Variants in MLXIP observed in about 807,000 individuals in gnomAD.
MLXIP encodes MLX-interacting protein.
In MLXIP, 30 loss-of-function variants were observed where a neutral mutation model predicts 87.2. That is an observed-to-expected ratio of 0.34 (90% CI 0.26 to 0.47). The LOEUF is 0.47. MLXIP is among the 20% of genes least tolerant of loss of function. The pLI, the probability that MLXIP is intolerant of heterozygous loss-of-function variation, is 1.00. For synonymous variants in MLXIP, 530 were observed against 514.0 expected (o/e 1.03, Z -0.42); for missense variants, 1,002 against 1,240.1 (o/e 0.81, Z 2.88).
chr12:122,119,965 C>G (rs952489632), intron 1 of MLXIP, among the ~76,000 whole-genome samples: 2 of 152,206 alleles, frequency 1.3e-5, no homozygotes, highest in African/African-American at 4.8e-5. Flanking sequence ...GACGAGAACT[C>G]TTCCCCACCA....
intron 1 of MLXIP, among the ~76,000 whole-genome samples, chr12:122,111,530 A>G (rs971153222): frequency 2.6e-5 from 4 of 152,232 alleles, no homozygotes; most frequent in Non-Finnish European, 5.9e-5. Context: ...AGTCATGCTT[A>G]GTACTGAATA....
At position 122,137,341 on chromosome 12, in the gene MLXIP, G is replaced by A; in HGVS notation, c.2033-128G>A. ...TAATCTAAGGAAGCATGTGTGTGCA[G>A]TTGAAAGAACCAAGTGCAATACGTG... On this transcript the variant is annotated intron_variant, in intron 11 of 16. Coordinates refer to ENST00000319080, the MANE Select transcript of MLXIP (RefSeq NM_014938.6). This position sits in a 1 kb window ranked among gnomAD's most constrained non-coding sequence, Gnocchi z 4.1. 2.0e-6 allele frequency: 2 copies of A among 986,914 alleles called. No individual in the cohort carries two copies. The highest frequency in any genetic ancestry group is 2.9e-6 in the Non-Finnish European group (2 of 694,348). The allele number at this position is 986,914 out of a possible 1,614,324, so 61.1% of individuals were successfully genotyped here.
At position 122,141,994 on chromosome 12, in the gene MLXIP, G is replaced by A. The variant is rs1163496498; in HGVS notation, c.*182G>A. Reference sequence around the variant, plus strand: ...GAAGCAGGTTTGGGGCCTGCTGACAGCAATAGCCCGCCTTTGGGAACCCCT... The same window carrying A: ...GAAGCAGGTTTGGGGCCTGCTGACAACAATAGCCCGCCTTTGGGAACCCCT... On this transcript the variant is annotated 3_prime_UTR_variant, in exon 17 of 17. Transcript: ENST00000319080. The A allele has an allele frequency of 5.9e-6, 5 of 846,846 alleles. No homozygotes were observed. The Admixed American group carries it at 1.3e-4, about 21-fold the overall frequency. The allele number at this position is 846,846 out of a possible 1,614,324, so 52.5% of individuals were successfully genotyped here.
rs371090511 is a variant in MLXIP, at chr12:122,138,851, C to T, written c.2421C>T (p.Pro807=). Reference sequence around the variant, plus strand: ...AGCTGCTCCCTGCCACGGGAGTCCCCGTTACCCGGCGCCAGTTTGATCACA... The same window carrying T: ...AGCTGCTCCCTGCCACGGGAGTCCCTGTTACCCGGCGCCAGTTTGATCACA... ...CQQLLPATGV[P]VTRRQFDHMK... Residue 807 remains proline, a synonymous_variant, in exon 15 of 17, where the codon CCC becomes CCT. Transcript: ENST00000319080. 2.0e-5 allele frequency: 33 copies of T among 1,613,896 alleles called. No individual in the cohort carries two copies. The African/African-American group carries it at 2.3e-4, about 11-fold the overall frequency.
chr12:122,105,999 C>A (rs1952514109), intron 1 of MLXIP, among the ~76,000 whole-genome samples: 3 of 152,180 alleles, frequency 2.0e-5, no homozygotes, highest in African/African-American at 7.2e-5. Flanking sequence ...GCTTCACTTG[C>A]TCTTCTTTTT....
In MLXIP at chr12:122,127,361, G is replaced by A. The variant is rs531149081; in HGVS notation, c.519G>A (p.Gln173=). 4 of 1,604,936 alleles carry A rather than the reference G, an allele frequency of 2.5e-6. No individual in the cohort carries two copies. The highest frequency in any genetic ancestry group is 1.3e-5 in the African/African-American group (1 of 74,816). The change falls in exon 2 of 17, where the codon CAG becomes CAA. Residue 173 remains glutamine, a splice_region_variant and synonymous_variant. Coordinates refer to ENST00000319080, the MANE Select transcript of MLXIP (RefSeq NM_014938.6). ...NNAIWRAWYM[Q]YLEKRKNPVC... is the part of the protein sequence containing the mutation. Reference sequence around the variant, plus strand: ...CCATCTGGCGGGCCTGGTACATGCAGTGTAAGTGCCGCCCAGCCTGGGCGC... The same window carrying A: ...CCATCTGGCGGGCCTGGTACATGCAATGTAAGTGCCGCCCAGCCTGGGCGC...
intron 1 of MLXIP, among the ~76,000 whole-genome samples, chr12:122,113,681 C>CTTTTTTTTTTTTTTTTTTTTTTTTTTT (rs1173711241): frequency 9.9e-6 from 1 of 100,702 alleles, no homozygotes; most frequent in Non-Finnish European, 1.8e-5. Flanking sequence ...GCCTTCATTT[C>CTTTTTTTTTTTTTTTTTTTTTTTTTTT]TTTTTTTTTT....
rs1375537293 is a variant in MLXIP, at chr12:122,143,275, A to T, written c.*1463A>T. On this transcript the variant is annotated 3_prime_UTR_variant, in exon 17 of 17. Coordinates refer to ENST00000319080, the MANE Select transcript of MLXIP (RefSeq NM_014938.6). ...ACGCCTGGGCTGTCCCACAGTTTAG[A>T]TCCAGTTGGAGGTTCTCCCTGGCTC... is the stretch of plus-strand genomic sequence containing the variant. 1 of 152,210 alleles carries T rather than the reference A, an allele frequency of 6.6e-6. No individual in the cohort carries two copies. Among genetic ancestry groups the T allele is most frequent in the East Asian group, 1.9e-4 (1 of 5,158 alleles). The allele number at this position is 152,210 out of a possible 1,614,324, so 9.4% of individuals were successfully genotyped here. A position where few individuals can be genotyped will look rare whatever the true frequency, so the allele number is the denominator to read the frequency against.
At chr12:122,115,383 T>C (rs1451898361) in intron 1 of MLXIP, among the ~76,000 whole-genome samples, 1 of 148,470 alleles carries the variant, frequency 6.7e-6, no homozygotes, top group Non-Finnish European at 1.5e-5. Context: ...AGGTCGGGAG[T>C]TCAAGACCAC....
At chr12:122,140,750 C>T in intron 15 of MLXIP, 1 of 774,186 alleles carries the variant, frequency 1.3e-6, no homozygotes, top group Non-Finnish European at 2.2e-6. Context: ...CCCTGTTGTC[C>T]AGGTACAGTT....
At chr12:122,116,836 G>A (rs540410711) in intron 1 of MLXIP, among the ~76,000 whole-genome samples, 6 of 152,256 alleles carry the variant, frequency 3.9e-5, no homozygotes, top group East Asian at 3.9e-4. Flanking sequence ...GGGCTGGGCC[G>A]GGCCAGCCTG....
Position 122,145,876 on chromosome 12 carries a change from C to T in MLXIP, c.*4064C>T, listed in dbSNP as rs906869857. ...CTGACGTGGGAAGGCTTGGAGGGCC[C>T]GTCTCATCACCCCCGTTCGCCCTCA... On this transcript the variant is annotated 3_prime_UTR_variant, in exon 17 of 17. Coordinates refer to ENST00000319080, the MANE Select transcript of MLXIP (RefSeq NM_014938.6). 2.3e-4 allele frequency: 35 copies of T among 152,290 alleles called. No individual in the cohort carries two copies. Among genetic ancestry groups the T allele is most frequent in the African/African-American group, 7.2e-4 (30 of 41,414 alleles). 9.4% of individuals were successfully genotyped at this position (152,290 alleles called of 1,614,324 possible).
At chr12:122,103,521 CTT>C (rs36181949) in intron 1 of MLXIP, among the ~76,000 whole-genome samples, 54 of 111,250 alleles carry the variant, frequency 4.9e-4, no homozygotes, top group Middle Eastern at 5.6e-3. Context: ...TGCACCTGGC[CTT>C]TTTTTTTTTT....
rs1400774271 is a variant in MLXIP, at chr12:122,141,022, G to T, written c.2577G>T (p.Glu859Asp). ...KGMVSTSSLE[E>D]LHRTALSWLD... ...TGGTGTCCACCAGCAGCCTGGAGGAGCTGCACCGGACGGCGCTCTCCTGGC... is the reference window on the plus strand; with the variant it reads ...TGGTGTCCACCAGCAGCCTGGAGGATCTGCACCGGACGGCGCTCTCCTGGC... The change falls in exon 16 of 17, where the codon GAG becomes GAT. Residue 859 changes from glutamate (E) to aspartate (D), a missense_variant. Glu to Asp is a conservative substitution (Grantham distance 45). This residue lies in a region of MLXIP where 746 missense variants were observed against 897.0 expected (regional missense o/e 0.83). Transcript: ENST00000319080. The T allele has an allele frequency of 6.2e-7, 1 of 1,613,842 alleles. No homozygotes were observed. Among genetic ancestry groups the T allele is most frequent in the African/African-American group, 1.3e-5 (1 of 74,954 alleles).
intron 1 of MLXIP, among the ~76,000 whole-genome samples, chr12:122,122,652 C>T (rs1329369140): frequency 6.6e-6 from 1 of 152,192 alleles, no homozygotes; most frequent in East Asian, 1.9e-4. Context: ...CGCCATTCTC[C>T]GGCCTCAGCC....
rs186952028 is a variant in MLXIP at position 122,104,736 on chromosome 12, C to T, written c.414-22520C>T. 8.1e-3 allele frequency among the ~76,000 whole-genome samples: 1,239 copies of T among 152,064 alleles called. 6 individuals are homozygous for T. Among genetic ancestry groups the T allele is most frequent in the Admixed American group, 0.014 (208 of 15,268 alleles). On this transcript the variant is annotated intron_variant, in intron 1 of 16. Coordinates refer to ENST00000319080, the MANE Select transcript of MLXIP (RefSeq NM_014938.6). ...CTGGGACTATAGGTGCCCGCCACCA[C>T]GCCCAGCTAATTTTTTTGTATTTTT...
At chr12:122,084,517 T>C (rs1940397560) in intron 1 of MLXIP, among the ~76,000 whole-genome samples, 1 of 152,148 alleles carries the variant, frequency 6.6e-6, no homozygotes, top group Non-Finnish European at 1.5e-5. Flanking sequence ...ACTGAACATT[T>C]ATTATGTTCC....
intron 1 of MLXIP, among the ~76,000 whole-genome samples, chr12:122,103,552 G>A (rs552455771): frequency 2.3e-5 from 3 of 131,384 alleles, no homozygotes; most frequent in South Asian, 2.5e-4. Context: ...ACAGAGTCTC[G>A]CTGTGTCACC....
chr12:122,107,918 A>G (rs1369023237), intron 1 of MLXIP, among the ~76,000 whole-genome samples: 1 of 152,118 alleles, frequency 6.6e-6, no homozygotes. Context: ...TTGCGGGGAC[A>G]CTGCCCTCTC....
Sources: allele counts gnomAD v4.1 joint callset (sites outside exome capture counted in the v4.1 genomes callset), GRCh38; gene constraint gnomAD v4.1.1; regional missense constraint gnomAD v4.1.1; non-coding constraint Gnocchi (gnomAD v3.1); transcripts MANE v1.5; gene names NCBI Gene and HGNC (gene_info 2026-07-23, HGNC 2026-07-21).